Variants in NIN observed in about 807,000 individuals in gnomAD.
NIN encodes the protein glycogen synthase kinase 3 beta-interacting protein.
Under a neutral mutation model 257.6 loss-of-function variants are expected in NIN, and 137 were observed. That is an observed-to-expected ratio of 0.53 (90% CI 0.46 to 0.61). The LOEUF (loss-of-function observed/expected upper bound fraction) is 0.61, where lower values mean the gene tolerates loss of function less well. NIN is among the 20% of genes least tolerant of loss of function. The pLI is 0.00. For synonymous variants in NIN, 918 were observed against 919.8 expected, an observed-to-expected ratio of 1.00 and a Z score of 0.04; for missense variants, 2,439 against 2,501.2, an observed-to-expected ratio of 0.98 and a Z score of 0.53.
In NIN at chr14:50,776,990, A is replaced by G. The variant is rs2042947730; in HGVS notation, c.625T>C (p.Ser209Pro). ...TGTAAACCATACTGCTCACAGATGG[A>G]GACCAGCTTCTTCCGGTTCAGGTGA... Reference protein sequence around the residue: ...DGHLNRKKLVSICEQYGLQNV... With the variant: ...DGHLNRKKLVPICEQYGLQNV... Residue 209 changes from serine to proline, a missense_variant, in exon 7 of 31, where the codon TCC becomes CCC. Physicochemically the swap from Ser to Pro is moderately conservative, Grantham distance 74 (BLOSUM62 -1). Coordinates refer to ENST00000530997, the MANE Select transcript of NIN (RefSeq NM_020921.4). The G allele has an allele frequency of 6.2e-7, 1 of 1,614,140 alleles. No homozygotes were observed. The highest frequency in any genetic ancestry group is 8.5e-7 in the Non-Finnish European group (1 of 1,179,998).
intron 12 of NIN, among the ~76,000 whole-genome samples, chr14:50,767,678 G>A (rs951264042): frequency 2.6e-5 from 4 of 151,988 alleles, no homozygotes; most frequent in Non-Finnish European, 4.4e-5. Flanking sequence ...TTAGCCAGGT[G>A]TGGTGGCGGG....
chr14:50,722,223 T>G lies in NIN; in HGVS notation c.*1240A>C, dbSNP rs1343734061. On this transcript the variant is annotated 3_prime_UTR_variant, in exon 31 of 31. Transcript: ENST00000530997. The stretch of plus-strand genomic sequence containing the variant: ...TTCTATAAAGTTTTGATCTTGAGCA[T>G]GAGTGGAAAGTCCTATTTGGCACTC... The G allele has an allele frequency of 1.3e-5, 3 of 225,510 alleles. No individual in the cohort carries two copies. The highest frequency in any genetic ancestry group is 2.6e-5 in the Non-Finnish European group (3 of 113,276). The allele number at this position is 225,510 out of a possible 1,614,324, so 14.0% of individuals were successfully genotyped here. A position where few individuals can be genotyped will look rare whatever the true frequency, so the allele number is the denominator to read the frequency against.
In NIN at chr14:50,723,665, T is replaced by C. The variant is rs1219000494; in HGVS notation, c.6200A>G (p.Lys2067Arg). 1.9e-6 allele frequency: 3 copies of C among 1,613,628 alleles called. No individual in the cohort carries two copies. Among genetic ancestry groups the C allele is most frequent in the African/African-American group, 1.3e-5 (1 of 74,932 alleles). The stretch of plus-strand genomic sequence containing the variant: ...CACCATTGCGTCTGCCTTAGTGTTC[T>C]TGCAGAGCTAGAAACAGAACCAGAA... ...KVNQLKEQLC[K>R]NTKADAMVKD... The change falls in exon 31 of 31, where the codon AAG (lysine) becomes AGG (arginine). Residue 2067 changes from lysine to arginine, a missense_variant. Transcript: ENST00000530997.
Position 50,771,005 on chromosome 14 carries a change from G to A in NIN, c.1119-13C>T, listed in dbSNP as rs1185305655. 6.2e-7 allele frequency: 1 copy of A among 1,611,090 alleles called. No individual in the cohort carries two copies. The highest frequency in any genetic ancestry group is 8.5e-7 in the Non-Finnish European group (1 of 1,178,924). On this transcript the variant is annotated splice_polypyrimidine_tract_variant and intron_variant, in intron 10 of 30. Coordinates refer to ENST00000530997, the MANE Select transcript of NIN (RefSeq NM_020921.4). ...ATCAACTCGTTCCCTAGGATCAGAAGTACACTGAGTTAATGGGAAACTGTT... is the reference window on the plus strand; with the variant it reads ...ATCAACTCGTTCCCTAGGATCAGAAATACACTGAGTTAATGGGAAACTGTT...
intron 16 of NIN, 97 bp from the exon 17 acceptor site, chr14:50,760,456 TTTC>T: frequency 8.7e-7 from 1 of 1,153,228 alleles, no homozygotes; most frequent in Non-Finnish European, 1.2e-6. Context: ...TTTTTTTTTT[TTTC>T]CCTACAAGAC....
chr14:50,747,420 G>A (rs772419334), intron 22 of NIN, among the ~76,000 whole-genome samples: 1 of 152,140 alleles, frequency 6.6e-6, no homozygotes, highest in Non-Finnish European at 1.5e-5. Context: ...GAAGTGGTTG[G>A]GATTCATTTA....
At position 50,762,015 on chromosome 14, in the gene NIN, C is replaced by A; in HGVS notation, c.1775-104G>T. ...GTTTAACTAAGGAATGATTTTCAGC[C>A]TGAATTACCAGAGATGTGAACTAAT... On this transcript the variant is annotated intron_variant, in intron 15 of 30. Transcript: ENST00000530997. The A allele has an allele frequency of 3.2e-6, 4 of 1,237,478 alleles. No individual in the cohort carries two copies. In the South Asian group the frequency reaches 5.3e-5, roughly 16 times the overall value. The allele number at this position is 1,237,478 out of a possible 1,614,324, so 76.7% of individuals were successfully genotyped here.
intron 25 of NIN, 148 bp from the exon 26 acceptor site, chr14:50,739,635 G>T: frequency 1.6e-6 from 1 of 627,384 alleles, no homozygotes; most frequent in South Asian, 2.1e-5. Flanking sequence ...GTATGTGTAT[G>T]TACATATAAA....
Position 50,760,117 on chromosome 14 carries a change from A to G in NIN, c.2139T>C (p.Thr713=). ...QLQVKLEEEK[T]HLQEKLRLQH... ...GCAGCCTCAGCTTCTCCTGCAGGTGAGTCTTTTCCTCCTCAAGCTTCACTT... is the reference window on the plus strand; with the variant it reads ...GCAGCCTCAGCTTCTCCTGCAGGTGGGTCTTTTCCTCCTCAAGCTTCACTT... The change falls in exon 17 of 31, where the codon ACT becomes ACC. Residue 713 remains threonine (T), a synonymous_variant. Transcript: ENST00000530997. The G allele has an allele frequency of 6.2e-7, 1 of 1,614,112 alleles. No homozygotes were observed. The highest frequency in any genetic ancestry group is 8.5e-7 in the Non-Finnish European group (1 of 1,180,028).
chr14:50,720,155 A>G lies in NIN; in HGVS notation c.*3308T>C, dbSNP rs916122661. The G allele has an allele frequency of 9.0e-6, 2 of 222,592 alleles. No individual in the cohort carries two copies. The highest frequency in any genetic ancestry group is 4.5e-5 in the African/African-American group (2 of 44,758). The allele number at this position is 222,592 out of a possible 1,614,324, so 13.8% of individuals were successfully genotyped here. ...CTGAGAGGTCCAGATAGGTCCAAAC[A>G]TGATGATTTTTAAATGAGTGCTTTG... On this transcript the variant is annotated 3_prime_UTR_variant, in exon 31 of 31. Transcript: ENST00000530997.
chr14:50,727,607 C>T, intron 29 of NIN: 2 of 1,423,668 alleles, frequency 1.4e-6, no homozygotes, highest in Non-Finnish European at 1.9e-6. Context: ...TAGCTTATGT[C>T]TCTGTGTGTG....
chr14:50,772,903 G>A (rs1264867795), intron 8 of NIN, 46 bp downstream of exon 8: 4 of 1,540,016 alleles, frequency 2.6e-6, no homozygotes, highest in Non-Finnish European at 3.5e-6. Flanking sequence ...ACTTAAATGG[G>A]TTCTAACTTT....
chr14:50,796,910 A>G (rs143189760), intron 4 of NIN, among the ~76,000 whole-genome samples: 1,806 of 152,344 alleles, frequency 0.012, 20 homozygotes, highest in Non-Finnish European at 0.016. Context: ...ACTGCTTAAA[A>G]TGCTCAGCTC....
At position 50,758,013 on chromosome 14, in the gene NIN, G is replaced by C; in HGVS notation, c.3017C>G (p.Ala1006Gly). ...ATCETADRER[A>G]EMSTEISRLQ... ...TCTGGAGATTTCTGTGCTCATCTCG[G>C]CTCTTTCTCGATCTGCTGTCTCACA... The change falls in exon 18 of 31, where the codon GCC becomes GGC. Residue 1006 changes from alanine (A) to glycine (G), a missense_variant. Physicochemically the swap from Ala to Gly is moderately conservative, Grantham distance 60 (BLOSUM62 0). Transcript: ENST00000530997. 6.2e-7 allele frequency: 1 copy of C among 1,614,142 alleles called. No individual in the cohort carries two copies. Among genetic ancestry groups the C allele is most frequent in the South Asian group, 1.1e-5 (1 of 91,086 alleles).
chr14:50,815,076 AAAT>A (rs2044822203), intron 3 of NIN, among the ~76,000 whole-genome samples: 1 of 152,246 alleles, frequency 6.6e-6, no homozygotes, highest in Non-Finnish European at 1.5e-5. Flanking sequence ...CTGCATAGCA[AAAT>A]AATCTATCAT....
intron 6 of NIN, 93 bp downstream of exon 6, chr14:50,778,672 T>C (rs2043011145): frequency 1.9e-6 from 2 of 1,067,370 alleles, no homozygotes; most frequent in African/African-American, 1.6e-5. Flanking sequence ...TTAATTCCCC[T>C]GGCCTGCAGC....
intron 24 of NIN, 28 bp downstream of exon 24, chr14:50,743,388 G>T: frequency 1.5e-6 from 2 of 1,364,146 alleles, no homozygotes; most frequent in Non-Finnish European, 2.1e-6. Context: ...TACTAACCGT[G>T]AAGATGAAAC....
At chr14:50,807,814 CAA>C (rs1252693621) in intron 3 of NIN, among the ~76,000 whole-genome samples, 2 of 152,074 alleles carry the variant, frequency 1.3e-5, no homozygotes, top group Non-Finnish European at 2.9e-5. Flanking sequence ...CAAATCAAAA[CAA>C]AAGAGAGGAA....
intron 25 of NIN, among the ~76,000 whole-genome samples, 154 bp downstream of exon 25, chr14:50,741,428 A>G (rs901824360): frequency 6.6e-5 from 10 of 152,200 alleles, no homozygotes; most frequent in African/African-American, 1.9e-4. Context: ...AATGTTCTAC[A>G]TTTTTATCTA....
Sources: allele counts gnomAD v4.1 joint callset (sites outside exome capture counted in the v4.1 genomes callset), GRCh38; gene constraint gnomAD v4.1.1; transcripts MANE v1.5; gene names NCBI Gene and HGNC (gene_info 2026-07-23, HGNC 2026-07-21).